The following TIMD4 variants were observed in gnomAD, a reference collection of about 807,000 sequenced individuals.
The protein encoded by TIMD4 is T-cell immunoglobulin and mucin domain-containing protein 4.
Under a neutral mutation model 41.2 loss-of-function variants are expected in TIMD4, and 31 were observed. That is an observed-to-expected ratio of 0.75 (90% CI 0.57 to 1.01). The LOEUF is 1.01. Among genes scored for constraint, TIMD4 ranks in the 50% least tolerant of loss-of-function variants. TIMD4 has a pLI of 0.00. For missense variants in TIMD4, 479 were observed against 472.5 expected, an observed-to-expected ratio of 1.01 and a Z score of -0.13; for synonymous variants, 204 against 177.1, an observed-to-expected ratio of 1.15 and a Z score of -1.21.
intron 6 of TIMD4, among the ~76,000 whole-genome samples, chr5:156,922,559 T>C (rs1485158411): frequency 6.6e-6 from 1 of 152,236 alleles, no homozygotes; most frequent in African/African-American, 2.4e-5. Context: ...GACTTAGGCT[T>C]CTAGAGAAAA....
chr5:156,938,190 A>C (rs1759574767), intron 5 of TIMD4, among the ~76,000 whole-genome samples: 1 of 152,188 alleles, frequency 6.6e-6, no homozygotes, highest in Non-Finnish European at 1.5e-5. Flanking sequence ...ACTCCTACCT[A>C]AGGACGAGTG....
At chr5:156,931,040 A>ATGTG (rs1364909329) in intron 5 of TIMD4, among the ~76,000 whole-genome samples, 1 of 152,228 alleles carries the variant, frequency 6.6e-6, no homozygotes, top group Admixed American at 6.5e-5. Flanking sequence ...AAGTCAGAGG[A>ATGTG]TGTGTGATAA....
At chr5:156,940,956 T>C (rs1188464900) in intron 5 of TIMD4, among the ~76,000 whole-genome samples, 1 of 152,244 alleles carries the variant, frequency 6.6e-6, no homozygotes, top group Non-Finnish European at 1.5e-5. Context: ...GAGACTCCAT[T>C]TTGTTCTTTA....
rs747720442 is a variant in TIMD4 at position 156,963,131 on chromosome 5, G to A, written c.58+10C>T. On this transcript the variant is annotated intron_variant, in intron 1 of 8. Coordinates refer to ENST00000274532, the MANE Select transcript of TIMD4 (RefSeq NM_138379.3). ...GGAAACTTCTACATAGAAGGTTTCA[G>A]AACACTTACTCAGGTAAAGCCACCA... 1.9e-6 allele frequency: 3 copies of A among 1,613,872 alleles called. No individual in the cohort carries two copies. Among genetic ancestry groups the A allele is most frequent in the Non-Finnish European group, 2.5e-6 (3 of 1,179,816 alleles).
chr5:156,924,932 A>G (rs1387039711), intron 6 of TIMD4, among the ~76,000 whole-genome samples: 2 of 152,184 alleles, frequency 1.3e-5, no homozygotes, highest in Non-Finnish European at 2.9e-5. Flanking sequence ...GAGATAAGGC[A>G]CAAGGCTTAG....
chr5:156,963,019 G>A (rs999775653), intron 1 of TIMD4, 122 bp downstream of exon 1: 33 of 931,450 alleles, frequency 3.5e-5, no homozygotes, highest in Non-Finnish European at 5.0e-5. Context: ...GTAGGGAGAG[G>A]GGAGGGATGC....
rs1479190055 is a variant in TIMD4, at chr5:156,951,804, C to T, written c.401-14G>A. On this transcript the variant is annotated splice_polypyrimidine_tract_variant and intron_variant, in intron 2 of 8. Transcript: ENST00000274532. ...TGGTTGTTGAGGCTGTAACCAACAA[C>T]AGACATGTTTGGCACCAAGCGGAGA... 5 of 1,613,494 alleles carry T rather than the reference C, an allele frequency of 3.1e-6. No homozygotes were observed. In the South Asian group the frequency reaches 4.4e-5, roughly 14 times the overall value.
chr5:156,951,561 T>C lies in TIMD4; in HGVS notation c.630A>G (p.Thr210=). The C allele has an allele frequency of 1.9e-6, 3 of 1,614,110 alleles. No homozygotes were observed. Among genetic ancestry groups the C allele is most frequent in the Non-Finnish European group, 2.5e-6 (3 of 1,180,018 alleles). ...TAGAAGGCTCGGGAGTCAGAAGACCTGTGGCTTCCTCCGGAAGGGTGCTTG... is the reference window on the plus strand; with the variant it reads ...TAGAAGGCTCGGGAGTCAGAAGACCCGTGGCTTCCTCCGGAAGGGTGCTTG... ...LTPSTLPEEA[T]GLLTPEPSKE... is the part of the protein sequence containing the mutation. The change falls in exon 3 of 9, where the codon ACA becomes ACG. Residue 210 remains threonine, a synonymous_variant. Coordinates refer to ENST00000274532, the MANE Select transcript of TIMD4 (RefSeq NM_138379.3).
intron 4 of TIMD4, 32 bp from the exon 5 acceptor site, chr5:156,948,531 A>G (rs1308960636): frequency 1.4e-6 from 2 of 1,460,510 alleles, no homozygotes; most frequent in African/African-American, 1.4e-5. Context: ...CAGAAAACAG[A>G]CTTAGGTAAA....
intron 6 of TIMD4, among the ~76,000 whole-genome samples, chr5:156,924,992 TA>T (rs1561544155): frequency 6.6e-6 from 1 of 151,490 alleles, no homozygotes; most frequent in Non-Finnish European, 1.5e-5. Flanking sequence ...AAATCCAAGT[TA>T]AAAAAAGAAA....
chr5:156,936,581 C>T (rs1301259386), intron 5 of TIMD4, among the ~76,000 whole-genome samples: 1 of 152,054 alleles, frequency 6.6e-6, no homozygotes, highest in Non-Finnish European at 1.5e-5. Context: ...CTCCTATCCT[C>T]TGGGCTCTAT....
At position 156,951,470 on chromosome 5, in the gene TIMD4, G is replaced by A. The variant is rs766972339; in HGVS notation, c.679+42C>T. On this transcript the variant is annotated intron_variant, in intron 3 of 8. Coordinates refer to ENST00000274532, the MANE Select transcript of TIMD4 (RefSeq NM_138379.3). ...AAGTCACTGGGCTGCCTCATTCAGT[G>A]AGACAGCACTGTTCTAAGAAACCCA... 16 of 1,606,434 alleles carry A rather than the reference G, an allele frequency of 1.0e-5. No individual in the cohort carries two copies. The Admixed American group carries it at 1.5e-4, about 15-fold the overall frequency.
At chr5:156,926,462 T>C in intron 5 of TIMD4, 150 bp from the exon 6 acceptor site, 1 of 736,900 alleles carries the variant, frequency 1.4e-6, no homozygotes. Flanking sequence ...TATTTATGCA[T>C]ATTTGTTTTG....
intron 4 of TIMD4, among the ~76,000 whole-genome samples, chr5:156,949,449 C>CCTT (rs1481378126): frequency 6.7e-6 from 1 of 149,008 alleles, no homozygotes; most frequent in Non-Finnish European, 1.5e-5. Context: ...TCCTCCTCCT[C>CCTT]CTCCTTCTCT....
rs1307037728 is a variant in TIMD4 at position 156,919,445 on chromosome 5, G to GCTA, written c.*9_*11dup. On this transcript the variant is annotated 3_prime_UTR_variant, in exon 9 of 9. Transcript: ENST00000274532. The stretch of plus-strand genomic sequence containing the variant: ...CATGCCCCCATCCTCAATCTAACAT[G>GCTA]CTACTGCGTTGTTAGAGGGTAAAAA... The GCTA allele has an allele frequency of 1.2e-6, 2 of 1,609,406 alleles. No individual in the cohort carries two copies. Among genetic ancestry groups the GCTA allele is most frequent in the African/African-American group, 2.7e-5 (2 of 74,772 alleles).
chr5:156,962,464 T>C (rs982617595), intron 1 of TIMD4, among the ~76,000 whole-genome samples: 1 of 152,208 alleles, frequency 6.6e-6, no homozygotes, highest in African/African-American at 2.4e-5. Flanking sequence ...TATCTTGTCC[T>C]AGAAGCACAG....
At position 156,938,725 on chromosome 5, in the gene TIMD4, G is replaced by A. The variant is rs139747759; in HGVS notation, c.844+9691C>T. The stretch of plus-strand genomic sequence containing the variant: ...TTCCCTCTAAATTTCTTGAAAGAAC[G>A]TCAAACATTCATCCTCTAGCAATTG... On this transcript the variant is annotated intron_variant, in intron 5 of 8. Coordinates refer to ENST00000274532, the MANE Select transcript of TIMD4 (RefSeq NM_138379.3). Among the ~76,000 whole-genome samples the A allele has an allele frequency of 5.6e-4, 85 of 152,226 alleles. 1 individual carries two copies. The East Asian group carries it at 0.015, about 27-fold the overall frequency.
chr5:156,919,388 AT>A lies in TIMD4; in HGVS notation c.*68del. 7.2e-7 allele frequency: 1 copy of A among 1,390,470 alleles called. No homozygotes were observed. The highest frequency in any genetic ancestry group is 1.2e-5 in the South Asian group (1 of 83,892). 86.1% of individuals were successfully genotyped at this position (1,390,470 alleles called of 1,614,324 possible). ...TGAGTCTTTTTTATGAAACAAGGAA[AT>A]CTACTAAGACTTATTTTGACACTGG... On this transcript the variant is annotated 3_prime_UTR_variant, in exon 9 of 9. Transcript: ENST00000274532.
intron 1 of TIMD4, among the ~76,000 whole-genome samples, chr5:156,962,302 G>T (rs1187809196): frequency 6.6e-6 from 1 of 152,020 alleles, no homozygotes. Context: ...AATGTTTCAA[G>T]AAATGAATAT....
Sources: gnomAD v4.1 joint callset for allele counts (sites outside exome capture counted in the v4.1 genomes callset) on GRCh38, gnomAD v4.1.1 for gene constraint, MANE v1.5 for transcripts, NCBI Gene and HGNC (gene_info 2026-07-23, HGNC 2026-07-21) for gene names.